ARSJ: variants seen among roughly 807,000 people sequenced by gnomAD.
The protein encoded by ARSJ is arylsulfatase family member J.
In ARSJ, 26 loss-of-function variants were observed where a neutral mutation model predicts 35.9. The observed-to-expected ratio is 0.72, with a 90% CI of 0.53 to 1.00. The LOEUF is 1.00. Ranked by LOEUF, ARSJ falls within the 50% of genes least tolerant of loss-of-function variation. The probability of loss-of-function intolerance (pLI) is 0.00; values close to 1 mark genes in which losing one functional copy is unlikely to be tolerated. For missense variants in ARSJ, 667 were observed against 723.6 expected (o/e 0.92, Z 0.90); for synonymous variants, 294 against 267.6 (o/e 1.10, Z -0.96).
At chr4:113,962,531 C>G (rs1726617878) in intron 1 of ARSJ, among the ~76,000 whole-genome samples, 1 of 144,610 alleles carries the variant, frequency 6.9e-6, no homozygotes, top group South Asian at 2.2e-4. Context: ...TTGAATTTGT[C>G]CTTGACTCCT....
At chr4:113,923,650 C>T (rs1240018967) in intron 1 of ARSJ, among the ~76,000 whole-genome samples, 1 of 151,906 alleles carries the variant, frequency 6.6e-6, no homozygotes, top group Non-Finnish European at 1.5e-5. Context: ...TTTCCAACAT[C>T]CTATTTGCAC....
rs1209813004 is a variant in ARSJ at position 113,903,318 on chromosome 4, G to A, written c.756C>T (p.Ser252=). The A allele has an allele frequency of 2.5e-6, 4 of 1,614,042 alleles. No individual in the cohort carries two copies. Among genetic ancestry groups the A allele is most frequent in the Non-Finnish European group, 2.5e-6 (3 of 1,180,044 alleles). ...YTQRVQQILA[S]HNPTKPIFLY... ...AAAATATAGGCTTTGTGGGGTTATG[G>A]GAAGCTAAGATTTGCTGTACTCTCT... is the stretch of plus-strand genomic sequence containing the variant. Residue 252 remains serine, a synonymous_variant, in exon 2 of 2, where the codon TCC becomes TCT. Coordinates refer to ENST00000315366, the MANE Select transcript of ARSJ (RefSeq NM_024590.4).
intron 1 of ARSJ, among the ~76,000 whole-genome samples, chr4:113,966,796 G>A (rs933021617): frequency 1.3e-5 from 2 of 152,108 alleles, no homozygotes; most frequent in African/African-American, 4.8e-5. Context: ...ACCTTCTTGG[G>A]CACTGAATGT....
rs112459733 is a variant in ARSJ at position 113,973,891 on chromosome 4, A to G, written c.398+4546T>C. On this transcript the variant is annotated intron_variant, in intron 1 of 1. Transcript: ENST00000315366. Reference sequence around the variant, plus strand: ...TTTTACATTCAAGATATTAATATTTATTATAAACCTATAGTAGTTAAGAGA... The same window carrying G: ...TTTTACATTCAAGATATTAATATTTGTTATAAACCTATAGTAGTTAAGAGA... 8.5e-3 allele frequency among the ~76,000 whole-genome samples: 1,289 copies of G among 152,328 alleles called. 14 individuals are homozygous for G. Among genetic ancestry groups the G allele is most frequent in the African/African-American group, 0.029 (1,210 of 41,578 alleles).
rs754834460 is a variant in ARSJ at position 113,902,839 on chromosome 4, C to T, written c.1235G>A (p.Arg412His). 17 of 1,613,928 alleles carry T rather than the reference C, an allele frequency of 1.1e-5. No homozygotes were observed. Among genetic ancestry groups the T allele is most frequent in the East Asian group, 2.2e-5 (1 of 44,894 alleles). The change falls in exon 2 of 2, where the codon CGC becomes CAC. Residue 412 changes from arginine to histidine, a missense_variant. Physicochemically the swap from Arg to His is conservative, Grantham distance 29. Transcript: ENST00000315366. ...DIWETISEGL[R>H]SPRVDILHNI... ...ATGCAAAATATCTACTCGGGGTGAG[C>T]GAAGACCCTCACTTATGGTCTCCCA...
chr4:113,918,606 A>C (rs1260178702), intron 1 of ARSJ, among the ~76,000 whole-genome samples: 1 of 152,136 alleles, frequency 6.6e-6, no homozygotes, highest in African/African-American at 2.4e-5. Flanking sequence ...AATTTTCTGA[A>C]TAGATATATT....
intron 1 of ARSJ, among the ~76,000 whole-genome samples, chr4:113,931,903 T>C (rs956339685): frequency 3.3e-5 from 5 of 151,918 alleles, no homozygotes; most frequent in Admixed American, 1.3e-4. Context: ...TGAGAATTCA[T>C]AACAAATACA....
chr4:113,961,983 A>C (rs1726576912), intron 1 of ARSJ, among the ~76,000 whole-genome samples: 1 of 151,268 alleles, frequency 6.6e-6, no homozygotes, highest in Non-Finnish European at 1.5e-5. Flanking sequence ...CTGAAGTAGC[A>C]ACATTTTCAT....
At chr4:113,918,611 T>C (rs1723468678) in intron 1 of ARSJ, among the ~76,000 whole-genome samples, 1 of 152,160 alleles carries the variant, frequency 6.6e-6, no homozygotes, top group African/African-American at 2.4e-5. Context: ...TCTGAATAGA[T>C]ATATTAATCA....
intron 1 of ARSJ, among the ~76,000 whole-genome samples, chr4:113,963,926 A>C (rs1259007879): frequency 6.6e-6 from 1 of 152,100 alleles, no homozygotes; most frequent in African/African-American, 2.4e-5. Flanking sequence ...TGAGGATTAA[A>C]TGACATAATC....
intron 1 of ARSJ, among the ~76,000 whole-genome samples, chr4:113,967,866 T>C (rs1470801007): frequency 6.6e-6 from 1 of 152,172 alleles, no homozygotes; most frequent in Non-Finnish European, 1.5e-5. Flanking sequence ...AAATTCATAA[T>C]GAATATAAAA....
chr4:113,907,010 G>T (rs190911478), intron 1 of ARSJ, among the ~76,000 whole-genome samples: 9 of 152,270 alleles, frequency 5.9e-5, no homozygotes, highest in Admixed American at 3.3e-4. Flanking sequence ...GAGAAGTTGT[G>T]GTTTTCTCCC....
intron 1 of ARSJ, among the ~76,000 whole-genome samples, chr4:113,976,745 TA>T (rs1727615436): frequency 6.6e-6 from 1 of 152,192 alleles, no homozygotes; most frequent in African/African-American, 2.4e-5. Context: ...TTGCACTAAA[TA>T]AAAATTTTTA....
At chr4:113,966,011 G>A (rs1346026478) in intron 1 of ARSJ, among the ~76,000 whole-genome samples, 1 of 151,894 alleles carries the variant, frequency 6.6e-6, no homozygotes, top group East Asian at 1.9e-4. Flanking sequence ...ATAAAACAAT[G>A]TAAAGATTAT....
At position 113,978,589 on chromosome 4, in the gene ARSJ, T is replaced by A; in HGVS notation, c.246A>T (p.Leu82=). ...CATCTCTAAATCCCTGATCATCCGC[T>A]AGGATGAAAATGAGATGGGGCTGGG... ...STSQPHLIFI[L]ADDQGFRDVG... Residue 82 remains leucine, a synonymous_variant, in exon 1 of 2, where the codon CTA becomes CTT. Transcript: ENST00000315366. 4 of 1,614,182 alleles carry A rather than the reference T, an allele frequency of 2.5e-6. No individual in the cohort carries two copies. Among genetic ancestry groups the A allele is most frequent in the Non-Finnish European group, 3.4e-6 (4 of 1,180,030 alleles).
intron 1 of ARSJ, among the ~76,000 whole-genome samples, chr4:113,951,314 G>A (rs1007244077): frequency 6.6e-6 from 1 of 152,028 alleles, no homozygotes; most frequent in African/African-American, 2.4e-5. Flanking sequence ...CAGTTACCAC[G>A]TTTCTGAGTT....
chr4:113,941,820 A>G (rs1282781104), intron 1 of ARSJ, among the ~76,000 whole-genome samples: 2 of 152,068 alleles, frequency 1.3e-5, no homozygotes, highest in Admixed American at 6.6e-5. Context: ...ATGATTAAAA[A>G]TCTTTTCATT....
chr4:113,955,475 A>G (rs982673735), intron 1 of ARSJ, among the ~76,000 whole-genome samples: 1 of 151,850 alleles, frequency 6.6e-6, no homozygotes, highest in Non-Finnish European at 1.5e-5. Flanking sequence ...ACTCAAGCCC[A>G]GGTTCCATGC....
intron 1 of ARSJ, among the ~76,000 whole-genome samples, chr4:113,957,610 G>A (rs1455323856): frequency 1.3e-5 from 2 of 151,954 alleles, no homozygotes; most frequent in Non-Finnish European, 2.9e-5. Context: ...CTACTGTTGA[G>A]CACAAAACCA....
Sources: gnomAD v4.1 joint callset for allele counts (sites outside exome capture counted in the v4.1 genomes callset) on GRCh38, gnomAD v4.1.1 for gene constraint, MANE v1.5 for transcripts, NCBI Gene and HGNC (gene_info 2026-07-23, HGNC 2026-07-21) for gene names.